The following MGAT4C variants were observed in gnomAD, a reference collection of about 807,000 sequenced individuals.
MGAT4C encodes the protein alpha-1,3-mannosyl-glycoprotein 4-beta-N-acetylglucosaminyltransferase C.
In MGAT4C, 19 loss-of-function variants were observed where a neutral mutation model predicts 40.1. The observed-to-expected ratio is 0.47, with a 90% CI of 0.33 to 0.70. The LOEUF (loss-of-function observed/expected upper bound fraction) is 0.70. Ranked by LOEUF, MGAT4C falls within the 30% of genes least tolerant of loss-of-function variation. The pLI, the probability that MGAT4C is intolerant of heterozygous loss-of-function variation, is 0.02. For missense variants in MGAT4C, 491 were observed against 563.2 expected (o/e 0.87, Z 1.30); for synonymous variants, 181 against 187.1 (o/e 0.97, Z 0.27).
At chr12:86,577,777 T>C (rs1375869980) in intron 2 of MGAT4C, among the ~76,000 whole-genome samples, 2 of 151,864 alleles carry the variant, frequency 1.3e-5, no homozygotes, top group Non-Finnish European at 2.9e-5. Context: ...TATTTCTTTT[T>C]GGGGAGGGTG....
chr12:86,589,381 T>A (rs2136446035), intron 2 of MGAT4C, among the ~76,000 whole-genome samples: 1 of 152,134 alleles, frequency 6.6e-6, no homozygotes, highest in South Asian at 2.1e-4. Flanking sequence ...AATTGACCAA[T>A]AACAGGAGCT....
rs756857554 is a variant in MGAT4C at position 85,980,426 on chromosome 12, A to G, written c.300T>C (p.Tyr100=). 3.8e-6 allele frequency: 6 copies of G among 1,576,056 alleles called. No individual in the cohort carries two copies. Among genetic ancestry groups the G allele is most frequent in the Non-Finnish European group, 5.2e-6 (6 of 1,163,846 alleles). ...TTACTGAAGAAAGTCCAATTGTAAG[A>G]TACCCTGCAAAAAAGAATTCAGAAG... ...LAATPLQRKR[Y]LTIGLSSVKR... Residue 100 remains tyrosine, a synonymous_variant, in exon 5 of 5, where the codon TAT becomes TAC. Transcript: ENST00000611864.
At chr12:86,502,382 T>A (rs1239275499) in intron 2 of MGAT4C, among the ~76,000 whole-genome samples, 1 of 151,896 alleles carries the variant, frequency 6.6e-6, no homozygotes, top group Non-Finnish European at 1.5e-5. Context: ...ACCCAGGGGA[T>A]CTTTAGGGCA....
chr12:86,353,865 G>A (rs546676945), intron 3 of MGAT4C, among the ~76,000 whole-genome samples: 11 of 152,092 alleles, frequency 7.2e-5, no homozygotes, highest in African/African-American at 1.4e-4. Context: ...AGATGTGCAC[G>A]AGCGTAATGA....
intron 4 of MGAT4C, among the ~76,000 whole-genome samples, chr12:86,317,798 T>G (rs1212734291): frequency 1.3e-5 from 2 of 151,712 alleles, no homozygotes; most frequent in African/African-American, 4.8e-5. Context: ...TTCATGTATA[T>G]AAGAGACATT....
intron 2 of MGAT4C, among the ~76,000 whole-genome samples, chr12:86,450,807 T>C (rs529828587): frequency 2.4e-4 from 36 of 152,226 alleles, no homozygotes; most frequent in African/African-American, 8.4e-4. Context: ...GTAATACATA[T>C]GCTTTCTTAC....
chr12:86,010,484 C>T (rs1053236207), intron 2 of MGAT4C, among the ~76,000 whole-genome samples: 7 of 152,082 alleles, frequency 4.6e-5, no homozygotes, highest in Non-Finnish European at 8.8e-5. Context: ...TTGAGACCAA[C>T]CTGGACAACA....
chr12:86,284,004 A>G (rs2136121003), intron 4 of MGAT4C, among the ~76,000 whole-genome samples: 1 of 152,270 alleles, frequency 6.6e-6, no homozygotes, highest in East Asian at 1.9e-4. Flanking sequence ...ATAGCTGAAT[A>G]AAAGATAAGC....
chr12:86,340,742 A>G (rs1178709375), intron 3 of MGAT4C, among the ~76,000 whole-genome samples: 1 of 151,804 alleles, frequency 6.6e-6, no homozygotes. Context: ...TTGGAACTAG[A>G]AGACCTACAC....
In MGAT4C at chr12:85,968,331, G is replaced by T. The variant is rs1047865037; in HGVS notation, c.*10958C>A. 2 of 151,936 alleles carry T rather than the reference G, an allele frequency of 1.3e-5. No homozygotes were observed. Among genetic ancestry groups the T allele is most frequent in the African/African-American group, 4.8e-5 (2 of 41,406 alleles). The allele number at this position is 151,936 out of a possible 1,614,324, so 9.4% of individuals were successfully genotyped here. A position where few individuals can be genotyped will look rare whatever the true frequency, so the allele number is the denominator to read the frequency against. ...AATATCTACAAAGATGTCATCATTA[G>T]ATTTTATGTGTTAAAAAGTGGATTT... On this transcript the variant is annotated 3_prime_UTR_variant, in exon 5 of 5. Coordinates refer to ENST00000611864, the MANE Select transcript of MGAT4C (RefSeq NM_001351288.2).
At chr12:86,325,171 TA>T (rs1197930435) in intron 4 of MGAT4C, among the ~76,000 whole-genome samples, 1 of 152,168 alleles carries the variant, frequency 6.6e-6, no homozygotes, top group Non-Finnish European at 1.5e-5. Flanking sequence ...TACAGATATT[TA>T]TTTTTTTAGA....
chr12:86,743,554 G>T, intron 1 of MGAT4C, among the ~76,000 whole-genome samples: 1 of 151,476 alleles, frequency 6.6e-6, no homozygotes, highest in Non-Finnish European at 1.5e-5. Context: ...GGTCCCTAAA[G>T]TTTCTGCTTT....
At chr12:86,793,430 G>T (rs962240257) in intron 1 of MGAT4C, among the ~76,000 whole-genome samples, 4 of 151,886 alleles carry the variant, frequency 2.6e-5, no homozygotes, top group Non-Finnish European at 5.9e-5. Flanking sequence ...CTGGGTTTTA[G>T]AAATATTTTT....
chr12:86,700,178 C>CAGACAGACAGAT (rs1386887962), intron 2 of MGAT4C, among the ~76,000 whole-genome samples: 22 of 140,768 alleles, frequency 1.6e-4, no homozygotes, highest in African/African-American at 5.0e-4. Flanking sequence ...GACAGACAGA[C>CAGACAGACAGAT]AGATAGATAG....
At chr12:86,703,818 G>T (rs1050514453) in intron 2 of MGAT4C, among the ~76,000 whole-genome samples, 3 of 152,020 alleles carry the variant, frequency 2.0e-5, no homozygotes, top group Non-Finnish European at 4.4e-5. Context: ...AGAGGTTTTG[G>T]TATATAAGCA....
chr12:86,576,156 T>C (rs768971636), intron 2 of MGAT4C, among the ~76,000 whole-genome samples: 4 of 151,962 alleles, frequency 2.6e-5, no homozygotes, highest in African/African-American at 4.8e-5. Flanking sequence ...TCAAATCTTT[T>C]GTATGTTTTT....
chr12:85,984,117 TCA>T (rs370834553), intron 3 of MGAT4C, among the ~76,000 whole-genome samples: 116 of 152,268 alleles, frequency 7.6e-4, no homozygotes, highest in African/African-American at 2.6e-3. Flanking sequence ...AAATAAAAGA[TCA>T]CACAGTGTCT....
At chr12:86,528,541 T>C (rs191247894) in intron 2 of MGAT4C, among the ~76,000 whole-genome samples, 1 of 152,186 alleles carries the variant, frequency 6.6e-6, no homozygotes, top group Admixed American at 6.5e-5. Context: ...TAGAAATATA[T>C]CATAATGCAT....
intron 3 of MGAT4C, among the ~76,000 whole-genome samples, chr12:86,427,383 A>G (rs573651140): frequency 3.3e-5 from 5 of 152,106 alleles, no homozygotes; most frequent in Admixed American, 3.3e-4. Flanking sequence ...TATTATAATT[A>G]TAGTATATAT....
Sources: gnomAD v4.1 joint callset for allele counts (sites outside exome capture counted in the v4.1 genomes callset) on GRCh38, gnomAD v4.1.1 for gene constraint, MANE v1.5 for transcripts, NCBI Gene and HGNC (gene_info 2026-07-23, HGNC 2026-07-21) for gene names.